LUZP2: variants seen among roughly 807,000 people sequenced by gnomAD.
The protein encoded by LUZP2 is leucine zipper protein 2.
LUZP2 carries 52 observed loss-of-function variants against 51.6 expected under a neutral mutation model. The observed-to-expected ratio is 1.01, with a 90% CI of 0.81 to 1.27. The LOEUF (loss-of-function observed/expected upper bound fraction) is 1.27, where lower values mean the gene tolerates loss of function less well. LUZP2 is among the 50% of genes most tolerant of loss of function. The pLI is 0.00. For missense variants in LUZP2, 436 were observed against 395.4 expected (o/e 1.10, Z -0.87); for synonymous variants, 154 against 137.3 (o/e 1.12, Z -0.85).
intron 10 of LUZP2, among the ~76,000 whole-genome samples, chr11:25,051,210 G>T (rs989513240): frequency 6.6e-6 from 1 of 152,060 alleles, no homozygotes; most frequent in Non-Finnish European, 1.5e-5. Flanking sequence ...CCAACTACTC[G>T]GGAGGCTGAG....
intron 9 of LUZP2, among the ~76,000 whole-genome samples, chr11:25,024,792 C>G (rs564644099): frequency 8.4e-4 from 126 of 149,610 alleles, no homozygotes; most frequent in African/African-American, 2.8e-3. Context: ...TTGGAAAAAA[C>G]TACTTTAAAG....
chr11:24,826,190 A>ATATATATATAT (rs1554916354), intron 5 of LUZP2, among the ~76,000 whole-genome samples: 37 of 67,546 alleles, frequency 5.5e-4, no homozygotes, highest in East Asian at 1.1e-3. Flanking sequence ...AAAAAAAAAA[A>ATATATATATAT]ATATATATAT....
intron 5 of LUZP2, among the ~76,000 whole-genome samples, chr11:24,852,917 T>C (rs775495761): frequency 1.3e-5 from 2 of 152,170 alleles, no homozygotes; most frequent in Non-Finnish European, 2.9e-5. Flanking sequence ...TTTCTTTCCA[T>C]TTGCTTGGTA....
chr11:24,868,034 T>C (rs1301409881), intron 5 of LUZP2, among the ~76,000 whole-genome samples: 1 of 152,136 alleles, frequency 6.6e-6, no homozygotes, highest in Non-Finnish European at 1.5e-5. Context: ...CAGCTCTCAT[T>C]AGACCTTGTT....
At chr11:24,777,148 C>T (rs1362627751) in intron 5 of LUZP2, among the ~76,000 whole-genome samples, 1 of 152,050 alleles carries the variant, frequency 6.6e-6, no homozygotes, top group Non-Finnish European at 1.5e-5. Flanking sequence ...GCGCCACCAC[C>T]ACGCCTGGCT....
At chr11:24,777,700 A>G (rs1272532886) in intron 5 of LUZP2, among the ~76,000 whole-genome samples, 5 of 152,128 alleles carry the variant, frequency 3.3e-5, no homozygotes, top group Non-Finnish European at 7.4e-5. Context: ...GTCATAGAAA[A>G]ATTGGACACT....
intron 1 of LUZP2, among the ~76,000 whole-genome samples, chr11:24,706,374 T>C (rs1000793023): frequency 6.6e-6 from 1 of 152,174 alleles, no homozygotes; most frequent in African/African-American, 2.4e-5. Context: ...CTTGTATTTT[T>C]AAAAACTTTT....
At chr11:24,768,133 A>ATT (rs113651188) in intron 5 of LUZP2, among the ~76,000 whole-genome samples, 8,518 of 150,534 alleles carry the variant, frequency 0.057, 394 homozygotes, top group African/African-American at 0.14. Context: ...ATTAGTTGAA[A>ATT]TTTTTTTTTT....
chr11:24,936,519 G>A (rs1854590806), intron 7 of LUZP2, among the ~76,000 whole-genome samples: 1 of 145,492 alleles, frequency 6.9e-6, no homozygotes, highest in Non-Finnish European at 1.5e-5. Context: ...CAGTGTTTAA[G>A]GTTCACAAAA....
At chr11:24,887,447 A>G (rs998095402) in intron 5 of LUZP2, among the ~76,000 whole-genome samples, 3 of 152,148 alleles carry the variant, frequency 2.0e-5, no homozygotes, top group Non-Finnish European at 2.9e-5. Context: ...ATGTAAGCGA[A>G]TAAGGTGTGG....
At chr11:24,949,849 T>G (rs909322275) in intron 7 of LUZP2, among the ~76,000 whole-genome samples, 1 of 151,688 alleles carries the variant, frequency 6.6e-6, no homozygotes, top group African/African-American at 2.4e-5. Flanking sequence ...TTTGCGAACT[T>G]TTCTGAATTC....
At chr11:24,590,549 GATAAAGT>G (rs1853223462) in intron 1 of LUZP2, among the ~76,000 whole-genome samples, 2 of 152,118 alleles carry the variant, frequency 1.3e-5, no homozygotes, top group Admixed American at 1.3e-4. Context: ...TAGAGAAACA[GATAAAGT>G]ATAATGACTA....
At chr11:24,631,331 A>C (rs545424332) in intron 1 of LUZP2, among the ~76,000 whole-genome samples, 138 of 150,582 alleles carry the variant, frequency 9.2e-4, no homozygotes, top group Admixed American at 1.7e-3. Context: ...TTTGTTGTAT[A>C]TGGCCATTAT....
intron 1 of LUZP2, among the ~76,000 whole-genome samples, chr11:24,707,331 T>A (rs1857627856): frequency 6.6e-6 from 1 of 151,892 alleles, no homozygotes; most frequent in African/African-American, 2.4e-5. Context: ...TGTGTGCATG[T>A]GTGTGTCTTT....
At chr11:24,534,559 G>T (rs7483347) in intron 1 of LUZP2, among the ~76,000 whole-genome samples, 1 of 151,288 alleles carries the variant, frequency 6.6e-6, no homozygotes, top group South Asian at 2.1e-4. Flanking sequence ...TTTATATATA[G>T]AGAGAGTAAA....
rs553696425 is a variant in LUZP2, at chr11:25,081,029, A to ATTTTTTTTTTT, written c.*2382_*2392dup. The ATTTTTTTTTTT allele has an allele frequency of 3.0e-5, 3 of 100,706 alleles. No homozygotes were observed. The highest frequency in any genetic ancestry group is 3.5e-4 in the East Asian group (1 of 2,836). 6.2% of individuals were successfully genotyped at this position (100,706 alleles called of 1,614,324 possible). On this transcript the variant is annotated 3_prime_UTR_variant, in exon 12 of 12. Transcript: ENST00000336930. Reference sequence around the variant, plus strand: ...ATCAAGTGGGCTTTGGATCCATATGATTTTTTTTTTTTTTTTTTTTTGAGA... The same window carrying ATTTTTTTTTTT: ...ATCAAGTGGGCTTTGGATCCATATGATTTTTTTTTTTTTTTTTTTTTTTTTTTTTTTTGAGA...
At chr11:25,027,877 A>AAAAG (rs1590852694) in intron 9 of LUZP2, among the ~76,000 whole-genome samples, 3 of 151,346 alleles carry the variant, frequency 2.0e-5, no homozygotes, top group Non-Finnish European at 2.9e-5. Flanking sequence ...CTCAAAAAAA[A>AAAAG]AAAAAAAGGT....
chr11:24,506,798 C>T (rs1404220191), intron 1 of LUZP2, among the ~76,000 whole-genome samples: 8 of 151,950 alleles, frequency 5.3e-5, no homozygotes, highest in Admixed American at 5.2e-4. Context: ...TCCCATATTC[C>T]CCCAGCTAAA....
chr11:24,849,119 A>G lies in LUZP2; in HGVS notation c.397-56872A>G, dbSNP rs1369346415. On this transcript the variant is annotated intron_variant, in intron 5 of 11. Coordinates refer to ENST00000336930, the MANE Select transcript of LUZP2 (RefSeq NM_001009909.4). The stretch of plus-strand genomic sequence containing the variant: ...TAAAAATTAGTTTCTGTGACAGGAT[A>G]CTCATTTGATATATCTTTTTTATTA... Among the ~76,000 whole-genome samples the G allele has an allele frequency of 4.7e-5, 6 of 128,508 alleles. No homozygotes were observed. In the East Asian group the frequency reaches 1.5e-3, roughly 31 times the overall value. 84.3% of individuals were successfully genotyped at this position (128,508 alleles called of 152,430 possible).
Sources: gnomAD v4.1 joint callset for allele counts (sites outside exome capture counted in the v4.1 genomes callset) on GRCh38, gnomAD v4.1.1 for gene constraint, MANE v1.5 for transcripts, NCBI Gene and HGNC (gene_info 2026-07-23, HGNC 2026-07-21) for gene names.